The following STK4 variants were observed in gnomAD, a reference collection of about 807,000 sequenced individuals.
STK4 encodes serine/threonine kinase 4, also known as serine/threonine-protein kinase 4.
Under a neutral mutation model 64.9 loss-of-function variants are expected in STK4, and 30 were observed. The observed-to-expected ratio is 0.46, with a 90% CI of 0.35 to 0.63. The LOEUF is 0.63. Ranked by LOEUF, STK4 falls within the 20% of genes least tolerant of loss-of-function variation. The pLI, the probability that STK4 is intolerant of heterozygous loss-of-function variation, is 0.01. For missense variants in STK4, 466 were observed against 598.5 expected (o/e 0.78, Z 2.31); for synonymous variants, 177 against 199.0 (o/e 0.89, Z 0.93).
chr20:45,056,857 A>G (rs1032267435), intron 10 of STK4, among the ~76,000 whole-genome samples: 5 of 152,232 alleles, frequency 3.3e-5, no homozygotes, highest in African/African-American at 9.6e-5. Context: ...ACAAACTGCC[A>G]GGGCTTCAGA....
chr20:44,995,279 C>A, intron 6 of STK4, 22 bp downstream of exon 6: 1 of 1,599,034 alleles, frequency 6.3e-7, no homozygotes, highest in Non-Finnish European at 8.5e-7. Flanking sequence ...GACAGAAAGC[C>A]AGTGGGGTGG....
intron 9 of STK4, among the ~76,000 whole-genome samples, chr20:45,004,764 T>C (rs956023159): frequency 6.6e-6 from 1 of 150,816 alleles, no homozygotes; most frequent in African/African-American, 2.5e-5. Flanking sequence ...CCTTTTTTTT[T>C]TTCTTTTTTC....
In STK4 at chr20:44,981,843, A is replaced by G. The variant is rs778374900; in HGVS notation, c.260A>G (p.Lys87Arg). 3.1e-6 allele frequency: 5 copies of G among 1,612,188 alleles called. No homozygotes were observed. The highest frequency in any genetic ancestry group is 3.4e-6 in the Non-Finnish European group (4 of 1,178,326). Residue 87 changes from lysine (K) to arginine (R), a missense_variant, in exon 4 of 11, where the codon AAA (lysine) becomes AGA (arginine). Transcript: ENST00000372806. ...TCTCTCTCTAGCCCTCATGTAGTCA[A>G]ATATTATGGCAGTTATTTTAAGAAC... The part of the protein sequence containing the change: ...MQQCDSPHVV[K>R]YYGSYFKNTD...
chr20:44,995,757 C>T (rs2067718991), intron 6 of STK4, among the ~76,000 whole-genome samples: 1 of 152,166 alleles, frequency 6.6e-6, no homozygotes. Flanking sequence ...GTGTGTTCCA[C>T]CCCTCTCCAT....
chr20:44,988,865 C>T lies in STK4; in HGVS notation c.525+1569C>T, dbSNP rs1213936854. 2.0e-5 allele frequency among the ~76,000 whole-genome samples: 3 copies of T among 152,082 alleles called. No individual in the cohort carries two copies. The East Asian group carries it at 5.8e-4, about 29-fold the overall frequency. On this transcript the variant is annotated intron_variant, in intron 5 of 10. Transcript: ENST00000372806. The stretch of plus-strand genomic sequence containing the variant: ...ATAGATTTGCATATTCTGAATATTT[C>T]ATATAAATAGAATCATACATAATGT...
chr20:45,018,884 T>C (rs1339450548), intron 9 of STK4, among the ~76,000 whole-genome samples: 1 of 151,980 alleles, frequency 6.6e-6, no homozygotes, highest in African/African-American at 2.4e-5. Flanking sequence ...TGCACCACTA[T>C]GCCCAGCTAA....
In STK4 at chr20:44,981,871, A is replaced by C; in HGVS notation, c.288A>C (p.Thr96=). The change falls in exon 4 of 11, where the codon ACA becomes ACC. Residue 96 remains threonine (T), a synonymous_variant. Coordinates refer to ENST00000372806, the MANE Select transcript of STK4 (RefSeq NM_006282.5). ...ATTATGGCAGTTATTTTAAGAACAC[A>C]GACTTATGGATCGTTATGGAGTACT... ...VKYYGSYFKN[T]DLWIVMEYCG... 1 of 1,613,978 alleles carries C rather than the reference A, an allele frequency of 6.2e-7. No individual in the cohort carries two copies. The highest frequency in any genetic ancestry group is 8.5e-7 in the Non-Finnish European group (1 of 1,179,890).
At chr20:44,987,031 G>A (rs1244752543) in intron 4 of STK4, 101 bp from the exon 5 acceptor site, 1 of 961,310 alleles carries the variant, frequency 1.0e-6, no homozygotes, top group East Asian at 2.6e-5. Flanking sequence ...GGTTGAATAA[G>A]ATCTGTTTAT....
chr20:45,008,821 A>G (rs2067995369), intron 9 of STK4, among the ~76,000 whole-genome samples: 1 of 151,970 alleles, frequency 6.6e-6, no homozygotes, highest in Admixed American at 6.6e-5. Context: ...TTTGTTAGCC[A>G]CTTGTATGTC....
chr20:44,978,638 G>A, intron 3 of STK4, 67 bp downstream of exon 3: 3 of 1,535,564 alleles, frequency 2.0e-6, no homozygotes, highest in Non-Finnish European at 2.6e-6. Flanking sequence ...TGTAGAGTTT[G>A]ATACCTAGAG....
At chr20:45,021,267 A>C (rs1600488200) in intron 9 of STK4, among the ~76,000 whole-genome samples, 1 of 152,214 alleles carries the variant, frequency 6.6e-6, no homozygotes, top group African/African-American at 2.4e-5. Context: ...GCCATTTTTA[A>C]AAACAATTTA....
intron 5 of STK4, among the ~76,000 whole-genome samples, chr20:44,990,755 C>T (rs751421883): frequency 9.2e-5 from 14 of 152,044 alleles, no homozygotes; most frequent in East Asian, 7.7e-4. Flanking sequence ...CAGGGTGGGG[C>T]GAGGGAAGCC....
chr20:45,021,312 G>C (rs1172484642), intron 9 of STK4, among the ~76,000 whole-genome samples: 1 of 152,170 alleles, frequency 6.6e-6, no homozygotes, highest in African/African-American at 2.4e-5. Flanking sequence ...ATGCAAATCT[G>C]TTTACTGAGA....
chr20:44,971,486 C>T (rs988141384), intron 1 of STK4, among the ~76,000 whole-genome samples: 1 of 152,104 alleles, frequency 6.6e-6, no homozygotes, highest in Non-Finnish European at 1.5e-5. Flanking sequence ...GCAAAGGTTT[C>T]CCGTGTCTTC....
intron 9 of STK4, among the ~76,000 whole-genome samples, chr20:45,017,372 A>G (rs1483058142): frequency 6.6e-6 from 1 of 152,242 alleles, no homozygotes; most frequent in Non-Finnish European, 1.5e-5. Flanking sequence ...AGGTAATAAT[A>G]TACTAAGACA....
chr20:44,971,021 C>T (rs1601170369), intron 1 of STK4, among the ~76,000 whole-genome samples: 1 of 145,242 alleles, frequency 6.9e-6, no homozygotes. Context: ...CATATTTCAC[C>T]GTTTCCTCAG....
intron 10 of STK4, among the ~76,000 whole-genome samples, chr20:45,029,297 G>A (rs2068405703): frequency 1.3e-5 from 2 of 152,076 alleles, no homozygotes; most frequent in Non-Finnish European, 1.5e-5. Flanking sequence ...TTAACTGTCT[G>A]ACCTGTCTGA....
chr20:45,025,033 A>G lies in STK4; in HGVS notation c.1208A>G (p.Glu403Gly). 2 of 1,613,492 alleles carry G rather than the reference A, an allele frequency of 1.2e-6. No individual in the cohort carries two copies. The highest frequency in any genetic ancestry group is 8.5e-7 in the Non-Finnish European group (1 of 1,179,700). ...TTTCTTGAATATTTTGAACAAAAAG[A>G]AAAGGAAAACCAGATCAACAGCTTT... is the stretch of plus-strand genomic sequence containing the variant. ...PSFLEYFEQK[E>G]KENQINSFGK... Residue 403 changes from glutamate to glycine, a missense_variant, in exon 10 of 11, where the codon GAA becomes GGA. This residue lies in a region of STK4 where 276 missense variants were observed against 308.9 expected (regional missense o/e 0.89). Coordinates refer to ENST00000372806, the MANE Select transcript of STK4 (RefSeq NM_006282.5).
At chr20:45,041,471 C>T (rs1448582551) in intron 10 of STK4, among the ~76,000 whole-genome samples, 1 of 151,968 alleles carries the variant, frequency 6.6e-6, no homozygotes, top group East Asian at 1.9e-4. Context: ...ATTCTTTTTT[C>T]CTATGCTTAG....
Sources: allele counts gnomAD v4.1 joint callset (sites outside exome capture counted in the v4.1 genomes callset), GRCh38; gene constraint gnomAD v4.1.1; regional missense constraint gnomAD v4.1.1; transcripts MANE v1.5; gene names NCBI Gene and HGNC (gene_info 2026-07-23, HGNC 2026-07-21).